SIPA1L3: variants seen among roughly 807,000 people sequenced by gnomAD.
SIPA1L3 encodes signal-induced proliferation-associated 1-like protein 3.
In SIPA1L3, 59 loss-of-function variants were observed where a neutral mutation model predicts 150.1. That is an observed-to-expected ratio of 0.39 (90% CI 0.32 to 0.49). The LOEUF (loss-of-function observed/expected upper bound fraction) is 0.49. Among genes scored for constraint, SIPA1L3 ranks in the 20% least tolerant of loss-of-function variants. The probability of loss-of-function intolerance (pLI) is 0.86; values close to 1 mark genes in which losing one functional copy is unlikely to be tolerated. For synonymous variants in SIPA1L3, 1,070 were observed against 1,077.6 expected (o/e 0.99, Z 0.14); for missense variants, 2,211 against 2,489.5 (o/e 0.89, Z 2.38).
intron 10 of SIPA1L3, among the ~76,000 whole-genome samples, chr19:38,137,866 C>T (rs2145931772): frequency 6.6e-6 from 1 of 151,972 alleles, no homozygotes; most frequent in South Asian, 2.1e-4. Context: ...CATGGTGGCT[C>T]ATGTCTGTAA....
Position 38,119,877 on chromosome 19 carries a change from C to T in SIPA1L3, c.2863C>T (p.Leu955=). The T allele has an allele frequency of 1.2e-6, 2 of 1,602,190 alleles. No individual in the cohort carries two copies. The highest frequency in any genetic ancestry group is 4.5e-5 in the East Asian group (2 of 44,762). The part of the protein sequence containing the change: ...VEDIREIVQR[L]KVMTSGWETV... ...GGACATAAGGGAGATAGTGCAGAGA[C>T]TGAAGGTAAGGGAGAGAGCCCGGCG... Residue 955 remains leucine, a synonymous_variant, in exon 9 of 22, where the codon CTG becomes TTG. Coordinates refer to ENST00000222345, the MANE Select transcript of SIPA1L3 (RefSeq NM_015073.3).
At position 38,187,995 on chromosome 19, in the gene SIPA1L3, C is replaced by CA. The variant is rs919508675; in HGVS notation, c.4431-4137dup. Among the ~76,000 whole-genome samples, 511 of 135,040 alleles carry CA rather than the reference C, an allele frequency of 3.8e-3. 2 individuals carry two copies. The highest frequency in any genetic ancestry group is 6.3e-3 in the Admixed American group (85 of 13,412). 88.6% of individuals were successfully genotyped at this position (135,040 alleles called of 152,430 possible). A position where few individuals can be genotyped will look rare whatever the true frequency, so the allele number is the denominator to read the frequency against. On this transcript the variant is annotated intron_variant, in intron 16 of 21. Coordinates refer to ENST00000222345, the MANE Select transcript of SIPA1L3 (RefSeq NM_015073.3). ...TGGGCGACAGAGTGAGACTCTGTCT[C>CA]AAAAAAAAAAAAATTGCATATATAA...
At chr19:38,171,385 CTTTTTTTTT>C (rs1055077464) in intron 15 of SIPA1L3, among the ~76,000 whole-genome samples, 1 of 77,884 alleles carries the variant, frequency 1.3e-5, no homozygotes, top group Non-Finnish European at 2.4e-5. Flanking sequence ...CCTACCAAAA[CTTTTTTTTT>C]TTTTTTTTTT....
chr19:38,026,792 C>T (rs1836035282), intron 1 of SIPA1L3, among the ~76,000 whole-genome samples: 1 of 152,172 alleles, frequency 6.6e-6, no homozygotes, highest in African/African-American at 2.4e-5. Context: ...ATTTTCGCTA[C>T]CCTGTAACTG....
At chr19:38,192,889 G>A (rs763359947) in intron 17 of SIPA1L3, among the ~76,000 whole-genome samples, 3 of 152,158 alleles carry the variant, frequency 2.0e-5, no homozygotes, top group Non-Finnish European at 4.4e-5. Flanking sequence ...TCAGCCCAGC[G>A]CTACCCACTG....
intron 15 of SIPA1L3, among the ~76,000 whole-genome samples, chr19:38,180,126 A>G (rs1972524333): frequency 6.6e-6 from 1 of 151,824 alleles, no homozygotes; most frequent in South Asian, 2.1e-4. Context: ...AGGAGTTTTA[A>G]AATTATTTTG....
chr19:38,000,689 T>TC (rs1031044801), intron 1 of SIPA1L3, among the ~76,000 whole-genome samples: 25 of 141,168 alleles, frequency 1.8e-4, no homozygotes, highest in South Asian at 1.1e-3. Context: ...TTTTTTTTTT[T>TC]CCTCCTCATG....
chr19:38,196,422 T>TGGAGGTCAGGGGCGGAGCAA (rs1972940704), intron 18 of SIPA1L3, among the ~76,000 whole-genome samples: 1 of 135,832 alleles, frequency 7.4e-6, no homozygotes, highest in Admixed American at 7.3e-5. Context: ...GGGCAGAGCA[T>TGGAGGTCAGGGGCGGAGCAA]GGAGGTCAAG....
At chr19:38,086,028 C>T (rs1228074491) in intron 3 of SIPA1L3, among the ~76,000 whole-genome samples, 10 of 151,476 alleles carry the variant, frequency 6.6e-5, no homozygotes, top group Admixed American at 5.9e-4. Flanking sequence ...AAAAACGCTA[C>T]GGGGAGAAGT....
intron 2 of SIPA1L3, among the ~76,000 whole-genome samples, chr19:38,029,724 G>T (rs2145718809): frequency 6.6e-6 from 1 of 152,138 alleles, no homozygotes. Context: ...TCAGCCTCCG[G>T]AGTAGCTGGG....
rs564884663 is a variant in SIPA1L3, at chr19:38,164,529, C to T, written c.3831C>T (p.Asn1277=). ...CCAGCAGCAACACCCTCTCCAGCAA[C>T]GCATCCAGCAGCCACAGCGACGACC... ...SHSSSNTLSS[N]ASSSHSDDRW... Residue 1277 remains asparagine, a synonymous_variant, in exon 15 of 22, where the codon AAC becomes AAT. Transcript: ENST00000222345. The surrounding 1 kb of genome is among the most constrained non-coding windows in gnomAD (Gnocchi z 4.1). 8.1e-6 allele frequency: 13 copies of T among 1,613,976 alleles called. No homozygotes were observed. Among genetic ancestry groups the T allele is most frequent in the East Asian group, 6.7e-5 (3 of 44,878 alleles).
At chr19:38,135,741 G>A (rs1261138439) in intron 10 of SIPA1L3, among the ~76,000 whole-genome samples, 1 of 152,164 alleles carries the variant, frequency 6.6e-6, no homozygotes, top group Non-Finnish European at 1.5e-5. Context: ...CCCGTTTGCA[G>A]GGGTGGGCGT....
intron 1 of SIPA1L3, among the ~76,000 whole-genome samples, chr19:38,011,479 AAAAG>A (rs1429092818): frequency 6.6e-6 from 1 of 152,178 alleles, no homozygotes; most frequent in African/African-American, 2.4e-5. Flanking sequence ...CTGTCTTGAA[AAAAG>A]AAAAACAGCA....
At chr19:37,942,980 G>A (rs932601874) in intron 1 of SIPA1L3, among the ~76,000 whole-genome samples, 1 of 150,796 alleles carries the variant, frequency 6.6e-6, no homozygotes, top group African/African-American at 2.4e-5. Context: ...CCAAAGTGCT[G>A]GGATTAGATG....
In SIPA1L3 at chr19:38,141,316, T is replaced by C. The variant is rs1221815002; in HGVS notation, c.3276T>C (p.Ser1092=). Residue 1092 remains serine, a synonymous_variant, in exon 11 of 22, where the codon TCT becomes TCC. Transcript: ENST00000222345. ...WQWSGPASHN[S]LPASKWATPT... ...GGAGCGGGCCCGCATCCCATAACTCTCTACCAGCCTCCAAGTGGGCCACTC... is the reference window on the plus strand; with the variant it reads ...GGAGCGGGCCCGCATCCCATAACTCCCTACCAGCCTCCAAGTGGGCCACTC... The C allele has an allele frequency of 3.7e-6, 6 of 1,613,728 alleles. No homozygotes were observed. In the South Asian group the frequency reaches 5.5e-5, roughly 15 times the overall value.
At chr19:38,171,641 C>A (rs1972330837) in intron 15 of SIPA1L3, among the ~76,000 whole-genome samples, 1 of 152,040 alleles carries the variant, frequency 6.6e-6, no homozygotes, top group South Asian at 2.1e-4. Context: ...GACCCACCCA[C>A]CTTGGCCTCC....
At chr19:37,998,774 A>G (rs992282782) in intron 1 of SIPA1L3, among the ~76,000 whole-genome samples, 8 of 152,190 alleles carry the variant, frequency 5.3e-5, no homozygotes, top group African/African-American at 1.7e-4. Flanking sequence ...AGACAGAGTG[A>G]GACCCTGTCC....
chr19:37,927,452 C>T (rs951982759), intron 1 of SIPA1L3, among the ~76,000 whole-genome samples: 1 of 151,942 alleles, frequency 6.6e-6, no homozygotes, highest in Non-Finnish European at 1.5e-5. Context: ...GCGCCTAGCC[C>T]CCAGTAGGTA....
intron 1 of SIPA1L3, among the ~76,000 whole-genome samples, chr19:37,996,986 C>T (rs932191409): frequency 2.0e-5 from 3 of 152,012 alleles, no homozygotes; most frequent in African/African-American, 7.2e-5. Flanking sequence ...CGTGAGCCAC[C>T]GTGCCCGGCC....
Sources: gnomAD v4.1 joint callset for allele counts (sites outside exome capture counted in the v4.1 genomes callset) on GRCh38, gnomAD v4.1.1 for gene constraint, Gnocchi (gnomAD v3.1) non-coding constraint, MANE v1.5 for transcripts, NCBI Gene and HGNC (gene_info 2026-07-23, HGNC 2026-07-21) for gene names.